GARIN1A: variants seen among roughly 807,000 people sequenced by gnomAD.
The protein encoded by GARIN1A is Golgi-associated RAB2 interactor protein 1A.
At chr7:128,707,216 A>ATGTGTGTGTGTGTGTGTGTG in the GARIN1A span, among the ~76,000 whole-genome samples, 8 of 47,430 alleles carry the variant, frequency 1.7e-4, no homozygotes, top group African/African-American at 6.0e-4. Context: ...TATTGTGTGT[A>ATGTGTGTGTGTGTGTGTGTG]TGTATGTGTG....
chr7:128,702,318 T>C, the GARIN1A span, among the ~76,000 whole-genome samples: 4 of 152,190 alleles, frequency 2.6e-5, no homozygotes, highest in Non-Finnish European at 5.9e-5. Context: ...ATAGTGGCAA[T>C]ATATTATAGG....
the GARIN1A span, among the ~76,000 whole-genome samples, chr7:128,703,553 G>A: frequency 6.6e-6 from 1 of 152,208 alleles, no homozygotes; most frequent in Non-Finnish European, 1.5e-5. Context: ...CGCTTTGGGA[G>A]GCCAAGGCAG....
the GARIN1A span, among the ~76,000 whole-genome samples, chr7:128,676,019 CTTTT>C: frequency 3.3e-5 from 4 of 121,550 alleles, no homozygotes; most frequent in Admixed American, 1.7e-4. Context: ...TATTTAGTAT[CTTTT>C]TTTTTTTTTT....
chr7:128,705,822 G>A, the GARIN1A span, among the ~76,000 whole-genome samples: 178 of 151,792 alleles, frequency 1.2e-3, no homozygotes, highest in African/African-American at 3.4e-3. Flanking sequence ...GTGCCACTAC[G>A]CCCAGCTAAT....
the GARIN1A span, among the ~76,000 whole-genome samples, chr7:128,694,818 T>C: frequency 1.3e-5 from 2 of 152,196 alleles, no homozygotes; most frequent in Non-Finnish European, 2.9e-5. Context: ...AGGCAGTTAA[T>C]TTAGGCATAA....
the GARIN1A span, chr7:128,697,466 C>G: frequency 6.6e-6 from 1 of 152,402 alleles, no homozygotes; most frequent in Non-Finnish European, 1.5e-5. Flanking sequence ...CTGAACGCGC[C>G]CGATCTGGTC....
the GARIN1A span, chr7:128,675,717 G>C: frequency 6.2e-7 from 1 of 1,613,822 alleles, no homozygotes. Flanking sequence ...TGAAGGGTCT[G>C]CCACCGTGAT....
chr7:128,705,696 A>C, the GARIN1A span, among the ~76,000 whole-genome samples: 1 of 111,988 alleles, frequency 8.9e-6, no homozygotes, highest in Non-Finnish European at 1.7e-5. Context: ...ACAGGATCTC[A>C]CTCTGTCGCC....
chr7:128,700,150 G>T, the GARIN1A span, among the ~76,000 whole-genome samples: 1 of 151,852 alleles, frequency 6.6e-6, no homozygotes, highest in African/African-American at 2.4e-5. Context: ...GGAGTGCAGT[G>T]GTGCATCATA....
At chr7:128,676,870 G>T in the GARIN1A span, among the ~76,000 whole-genome samples, 8 of 152,042 alleles carry the variant, frequency 5.3e-5, no homozygotes, top group African/African-American at 1.9e-4. Flanking sequence ...TCTGTAAAGC[G>T]GAATTAATCA....
the GARIN1A span, among the ~76,000 whole-genome samples, chr7:128,674,758 A>T: frequency 6.6e-6 from 1 of 152,072 alleles, no homozygotes; most frequent in Non-Finnish European, 1.5e-5. Context: ...CCTCATCCCC[A>T]GTTCCACCAA....
At chr7:128,675,612 A>G in the GARIN1A span, 1 of 1,543,422 alleles carries the variant, frequency 6.5e-7, no homozygotes, top group African/African-American at 1.4e-5. Context: ...ACTTTCCAGC[A>G]TCTGTATTCC....
At chr7:128,677,637 A>G in the GARIN1A span, 1 of 1,613,824 alleles carries the variant, frequency 6.2e-7, no homozygotes, top group Non-Finnish European at 8.5e-7. Context: ...TAGGACAGTG[A>G]CCGAAAAGAT....
the GARIN1A span, chr7:128,672,362 C>A: frequency 1.3e-6 from 2 of 1,579,136 alleles, no homozygotes; most frequent in Non-Finnish European, 1.7e-6. Flanking sequence ...CGTGGAGCCC[C>A]AGAAATGTTC....
the GARIN1A span, among the ~76,000 whole-genome samples, chr7:128,694,320 T>C: frequency 6.6e-6 from 1 of 151,884 alleles, no homozygotes; most frequent in Non-Finnish European, 1.5e-5. Flanking sequence ...TCACTTGAGG[T>C]CAGGAGTTCA....
the GARIN1A span, chr7:128,690,327 G>A: frequency 5.9e-6 from 1 of 168,134 alleles, no homozygotes; most frequent in Non-Finnish European, 1.2e-5. Flanking sequence ...TTGTTTATCT[G>A]CTGACCTTCC....
chr7:128,689,273 T>C, the GARIN1A span, among the ~76,000 whole-genome samples: 2 of 151,536 alleles, frequency 1.3e-5, no homozygotes, highest in Non-Finnish European at 2.9e-5. Flanking sequence ...TCGTCTGGGA[T>C]GCGAGGAGCC....
At chr7:128,684,915 T>C in the GARIN1A span, 1 of 152,226 alleles carries the variant, frequency 6.6e-6, no homozygotes, top group Non-Finnish European at 1.5e-5. Flanking sequence ...CCTTTTTTTT[T>C]TTTTTTGAGA....
At chr7:128,672,616 A>G in the GARIN1A span, 3 of 598,780 alleles carry the variant, frequency 5.0e-6, no homozygotes, top group South Asian at 2.2e-5. Context: ...GGGGTTGGTT[A>G]GGAGATGCTG....
Sources: allele counts gnomAD v4.1 joint callset (sites outside exome capture counted in the v4.1 genomes callset), GRCh38; gene constraint gnomAD v4.1.1; transcripts MANE v1.5; gene names NCBI Gene and HGNC (gene_info 2026-07-23, HGNC 2026-07-21).